LRRC2: variants seen among roughly 807,000 people sequenced by gnomAD.
LRRC2 encodes leucine rich repeat containing 2, also known as leucine-rich repeat-containing protein 2.
In LRRC2, 27 loss-of-function variants were observed where a neutral mutation model predicts 40.2. The ratio of observed to expected loss-of-function variants is 0.67; its 90% CI spans 0.49 to 0.93. LRRC2 has a LOEUF of 0.93. Among genes scored for constraint, LRRC2 ranks in the 40% least tolerant of loss-of-function variants. The pLI, the probability that LRRC2 is intolerant of heterozygous loss-of-function variation, is 0.00. For missense variants in LRRC2, 402 were observed against 439.6 expected (o/e 0.91, Z 0.76); for synonymous variants, 147 against 158.9 (o/e 0.92, Z 0.56).
At chr3:46,564,541 G>A (rs1045610197) in intron 1 of LRRC2, among the ~76,000 whole-genome samples, 2 of 152,124 alleles carry the variant, frequency 1.3e-5, no homozygotes, top group Non-Finnish European at 2.9e-5. Context: ...AAGGATCTGG[G>A]GGAGTTTGGG....
chr3:46,539,566 C>T (rs888470036), intron 3 of LRRC2, among the ~76,000 whole-genome samples: 3 of 152,208 alleles, frequency 2.0e-5, no homozygotes, highest in African/African-American at 7.2e-5. Context: ...ATTTGTGCTT[C>T]GTTTCCCTTT....
At chr3:46,553,375 C>CT (rs534755607) in intron 1 of LRRC2, among the ~76,000 whole-genome samples, 2 of 152,222 alleles carry the variant, frequency 1.3e-5, no homozygotes, top group Non-Finnish European at 2.9e-5. Flanking sequence ...AATAGTAGGG[C>CT]TGGTGAATAC....
intron 3 of LRRC2, among the ~76,000 whole-genome samples, chr3:46,540,131 T>C (rs1704354043): frequency 1.3e-5 from 2 of 152,234 alleles, no homozygotes; most frequent in Non-Finnish European, 2.9e-5. Context: ...TTGGTACTTG[T>C]AATGTGCTTT....
In LRRC2 at chr3:46,551,602, T is replaced by C. The variant is rs1704655304; in HGVS notation, c.-11A>G. On this transcript the variant is annotated 5_prime_UTR_variant, in exon 2 of 9. The change abolishes an upstream ATG in the 5' untranslated region. Coordinates refer to ENST00000395905, the MANE Select transcript of LRRC2 (RefSeq NM_024512.5). The stretch of plus-strand genomic sequence containing the variant: ...CACTTTATGTCCCATTTTGGGAGCA[T>C]GAAATTACCTATTTAAAAAATATAT... 1.2e-6 allele frequency: 2 copies of C among 1,602,700 alleles called. No individual in the cohort carries two copies. Among genetic ancestry groups the C allele is most frequent in the South Asian group, 2.3e-5 (2 of 88,250 alleles).
chr3:46,547,342 A>G (rs1010778856), intron 2 of LRRC2, among the ~76,000 whole-genome samples: 9 of 152,218 alleles, frequency 5.9e-5, no homozygotes, highest in Non-Finnish European at 1.2e-4. Flanking sequence ...GGGCTTCAGG[A>G]TCTACATATG....
intron 2 of LRRC2, among the ~76,000 whole-genome samples, chr3:46,548,394 G>A (rs1282747587): frequency 6.6e-6 from 1 of 152,052 alleles, no homozygotes; most frequent in African/African-American, 2.4e-5. Flanking sequence ...AGTGAAGAAG[G>A]AAATATAAAC....
At chr3:46,530,144 G>T in intron 5 of LRRC2, 94 bp from the exon 6 acceptor site, 2 of 998,230 alleles carry the variant, frequency 2.0e-6, no homozygotes, top group Non-Finnish European at 3.0e-6. Context: ...TTCCCCAAAG[G>T]CATTTCTATG....
In LRRC2 at chr3:46,521,523, T is replaced by A. The variant is rs148260840; in HGVS notation, c.1065A>T (p.Arg355Ser). 145 of 1,597,622 alleles carry A rather than the reference T, an allele frequency of 9.1e-5. No individual in the cohort carries two copies. The highest frequency in any genetic ancestry group is 1.7e-4 in the Middle Eastern group (1 of 5,972). Residue 355 changes from arginine (R) to serine (S), a missense_variant and splice_region_variant, in exon 8 of 9, where the codon AGA becomes AGT. By Grantham distance (110) the Arg-to-Ser change is moderately radical. Transcript: ENST00000395905. ...MKAYIEDLKE[R>S]ESVPSYTTKV... ...TAATTTTAAATATGAGTAACCCACC[T>A]CTTTCTTTAAGGTCTTCAATATAGG...
chr3:46,553,449 T>C (rs933746401), intron 1 of LRRC2, among the ~76,000 whole-genome samples: 12 of 152,276 alleles, frequency 7.9e-5, no homozygotes, highest in African/African-American at 2.6e-4. Context: ...ATATTTAATC[T>C]TCTTTTTCTT....
chr3:46,558,664 T>A (rs188556929), intron 1 of LRRC2: 8 of 152,374 alleles, frequency 5.3e-5, no homozygotes, highest in Admixed American at 5.2e-4. Flanking sequence ...TCCTGATCGC[T>A]GGGCTCCCTT....
At chr3:46,550,476 C>T (rs964906332) in intron 2 of LRRC2, among the ~76,000 whole-genome samples, 30 of 151,242 alleles carry the variant, frequency 2.0e-4, no homozygotes, top group African/African-American at 5.8e-4. Flanking sequence ...CTCTGCCTCC[C>T]GGGTTCACGC....
chr3:46,552,721 T>TA (rs965384356), intron 1 of LRRC2, among the ~76,000 whole-genome samples: 20 of 149,322 alleles, frequency 1.3e-4, no homozygotes, highest in Middle Eastern at 3.4e-3. Flanking sequence ...ACCATTAAGT[T>TA]AAAAAAAAAA....
In LRRC2 at chr3:46,550,318, T is replaced by C. The variant is rs189786063; in HGVS notation, c.125+1149A>G. On this transcript the variant is annotated intron_variant, in intron 2 of 8. Coordinates refer to ENST00000395905, the MANE Select transcript of LRRC2 (RefSeq NM_024512.5). ...ATGATCAGAATAGGTATTTGTTTAATCCAAAAAGCTAATGAAGGTGGAGAA... is the reference window on the plus strand; with the variant it reads ...ATGATCAGAATAGGTATTTGTTTAACCCAAAAAGCTAATGAAGGTGGAGAA... Among the ~76,000 whole-genome samples the C allele has an allele frequency of 8.3e-3, 1,242 of 149,688 alleles. 13 individuals are homozygous for C. Among genetic ancestry groups the C allele is most frequent in the Non-Finnish European group, 9.4e-3 (632 of 67,506 alleles).
chr3:46,554,074 C>G (rs1704732409), intron 1 of LRRC2, among the ~76,000 whole-genome samples: 1 of 151,834 alleles, frequency 6.6e-6, no homozygotes, highest in Non-Finnish European at 1.5e-5. Context: ...GGCTAGAATG[C>G]AGTGACACCA....
intron 2 of LRRC2, among the ~76,000 whole-genome samples, chr3:46,550,522 G>A (rs952389995): frequency 6.6e-6 from 1 of 151,604 alleles, no homozygotes; most frequent in South Asian, 2.1e-4. Context: ...CTCCCAAGTA[G>A]CTGGGACTAC....
intron 7 of LRRC2, among the ~76,000 whole-genome samples, chr3:46,525,490 A>G (rs969179183): frequency 3.9e-5 from 6 of 152,044 alleles, no homozygotes; most frequent in Non-Finnish European, 5.9e-5. Context: ...AGCTAAAGCA[A>G]TCCTCCTGCC....
intron 8 of LRRC2, among the ~76,000 whole-genome samples, chr3:46,520,802 A>T (rs1703951004): frequency 6.6e-6 from 1 of 152,210 alleles, no homozygotes; most frequent in Non-Finnish European, 1.5e-5. Flanking sequence ...AAATTAAGGA[A>T]TGACTCTCAG....
intron 7 of LRRC2, among the ~76,000 whole-genome samples, chr3:46,522,765 AC>A (rs1483934379): frequency 6.9e-5 from 2 of 28,970 alleles, no homozygotes; most frequent in South Asian, 5.5e-3. Flanking sequence ...CTGCTAACAC[AC>A]ACACACACAC....
intron 1 of LRRC2, chr3:46,558,025 AG>A (rs1180981819): frequency 2.6e-5 from 4 of 152,292 alleles, no homozygotes; most frequent in Non-Finnish European, 5.9e-5. Flanking sequence ...GGGCTGCACA[AG>A]GGCTCTGTGT....
Sources: allele counts gnomAD v4.1 joint callset (sites outside exome capture counted in the v4.1 genomes callset), GRCh38; gene constraint gnomAD v4.1.1; transcripts MANE v1.5; gene names NCBI Gene and HGNC (gene_info 2026-07-23, HGNC 2026-07-21).